Variants in CCDC7 observed in about 807,000 individuals in gnomAD.
CCDC7 encodes the protein coiled-coil domain-containing protein 7.
Under a neutral mutation model 196.9 loss-of-function variants are expected in CCDC7, and 183 were observed. That is an observed-to-expected ratio of 0.93 (90% CI 0.82 to 1.05). The LOEUF is 1.05. CCDC7 is among the 50% of genes least tolerant of loss of function. The pLI is 0.00. For synonymous variants in CCDC7, 525 were observed against 484.6 expected (o/e 1.08, Z -1.10); for missense variants, 1,540 against 1,482.2 (o/e 1.04, Z -0.64).
At chr10:32,814,577 G>A in intron 31 of CCDC7, 124 bp downstream of exon 32, 3 of 635,168 alleles carry the variant, frequency 4.7e-6, no homozygotes, top group Non-Finnish European at 8.2e-6. Context: ...AAGTCTTTAT[G>A]AATTCCCCTC....
chr10:32,622,477 G>C (rs1196232118), intron 18 of CCDC7, among the ~76,000 whole-genome samples: 1 of 151,922 alleles, frequency 6.6e-6, no homozygotes, highest in Non-Finnish European at 1.5e-5. Context: ...AATAACTGCA[G>C]TGATAGTAAA....
intron 32 of CCDC7, among the ~76,000 whole-genome samples, chr10:32,829,269 A>G (rs1275653012): frequency 2.0e-5 from 3 of 152,190 alleles, no homozygotes; most frequent in Non-Finnish European, 4.4e-5. Flanking sequence ...CACCGGGAAA[A>G]AATTTCATAG....
chr10:32,526,528 C>T (rs1360671618), intron 11 of CCDC7, among the ~76,000 whole-genome samples: 1 of 152,138 alleles, frequency 6.6e-6, no homozygotes, highest in Non-Finnish European at 1.5e-5. Flanking sequence ...CCTGAGTCAC[C>T]CTTGAAGCCC....
At chr10:32,856,682 G>A (rs1326087557) in intron 41 of CCDC7, among the ~76,000 whole-genome samples, 1 of 152,116 alleles carries the variant, frequency 6.6e-6, no homozygotes, top group East Asian at 1.9e-4. Flanking sequence ...AGAGTTCTTG[G>A]TGCATGAATT....
intron 20 of CCDC7, among the ~76,000 whole-genome samples, chr10:32,658,707 G>A (rs1212080035): frequency 6.6e-6 from 1 of 152,146 alleles, no homozygotes; most frequent in East Asian, 1.9e-4. Flanking sequence ...AGTTGCAACG[G>A]CATCGATGAA....
At chr10:32,865,073 A>C (rs2094153568) in intron 41 of CCDC7, among the ~76,000 whole-genome samples, 1 of 151,938 alleles carries the variant, frequency 6.6e-6, no homozygotes, top group South Asian at 2.1e-4. Flanking sequence ...TAAATTAGTA[A>C]CCATTAAAGT....
intron 13 of CCDC7, among the ~76,000 whole-genome samples, chr10:32,564,800 A>AT (rs1052641856): frequency 1.4e-5 from 2 of 145,614 alleles, no homozygotes; most frequent in African/African-American, 2.5e-5. Context: ...CTTAAAGTAT[A>AT]AAAAAAAAAA....
intron 16 of CCDC7, among the ~76,000 whole-genome samples, chr10:32,573,413 C>T (rs781305576): frequency 3.2e-4 from 49 of 152,136 alleles, no homozygotes; most frequent in Admixed American, 2.2e-3. Flanking sequence ...AATAGAAACA[C>T]TGGCTTACAA....
At chr10:32,500,080 C>A (rs1435649667) in intron 9 of CCDC7, among the ~76,000 whole-genome samples, 3 of 152,242 alleles carry the variant, frequency 2.0e-5, no homozygotes, top group Non-Finnish European at 4.4e-5. Flanking sequence ...ACAAAACCGC[C>A]ACTGTCATCA....
Position 32,480,382 on chromosome 10 carries a change from A to T in CCDC7, c.796+6359A>T, listed in dbSNP as rs1417305941. On this transcript the variant is annotated intron_variant, in intron 8 of 41. Transcript: ENST00000639629. ...CTGTTGCCCAGGCTGGAGTAGAGTG[A>T]TGTGATCATAGCTCACTCCAACCTC... Among the ~76,000 whole-genome samples, 5 of 151,886 alleles carry T rather than the reference A, an allele frequency of 3.3e-5. No individual in the cohort carries two copies. The South Asian group carries it at 1.0e-3, about 32-fold the overall frequency.
intron 11 of CCDC7, among the ~76,000 whole-genome samples, chr10:32,519,681 A>T (rs919493465): frequency 4.6e-5 from 7 of 152,100 alleles, no homozygotes; most frequent in African/African-American, 1.7e-4. Context: ...CATATCATGG[A>T]AAATTTGGTA....
chr10:32,774,213 A>T (rs73255962), intron 28 of CCDC7, among the ~76,000 whole-genome samples: 7,831 of 151,954 alleles, frequency 0.052, 669 homozygotes, highest in African/African-American at 0.18. Flanking sequence ...ACTTTACTCA[A>T]TGTGGTATCT....
chr10:32,711,526 A>G, intron 24 of CCDC7, 94 bp from the exon 26 acceptor site: 1 of 712,338 alleles, frequency 1.4e-6, no homozygotes, highest in Non-Finnish European at 2.3e-6. Context: ...AAGATGAAAG[A>G]AAATGTTGCT....
At chr10:32,565,382 T>C (rs572675046) in intron 13 of CCDC7, among the ~76,000 whole-genome samples, 176 bp from the exon 15 acceptor site, 1 of 152,336 alleles carries the variant, frequency 6.6e-6, no homozygotes, top group Non-Finnish European at 1.5e-5. Context: ...GAAAAATCAA[T>C]AGGAAGCTTT....
chr10:32,455,210 G>GT (rs55778385), intron 2 of CCDC7, among the ~76,000 whole-genome samples: 12,496 of 151,574 alleles, frequency 0.082, 563 homozygotes, highest in East Asian at 0.16. Context: ...GGATGATTTA[G>GT]TTTTTTTTCC....
At chr10:32,562,847 G>T (rs1379848913) in intron 13 of CCDC7, among the ~76,000 whole-genome samples, 2 of 152,146 alleles carry the variant, frequency 1.3e-5, no homozygotes, top group African/African-American at 4.8e-5. Flanking sequence ...TAGGAAAAGA[G>T]GAAGTCAAAT....
chr10:32,613,753 T>C (rs887600389), intron 18 of CCDC7, among the ~76,000 whole-genome samples: 1 of 152,092 alleles, frequency 6.6e-6, no homozygotes, highest in African/African-American at 2.4e-5. Flanking sequence ...TGAGTTCTAA[T>C]TTGATTGCAT....
chr10:32,573,075 G>A (rs907185893), intron 16 of CCDC7, among the ~76,000 whole-genome samples: 6 of 151,688 alleles, frequency 4.0e-5, no homozygotes, highest in African/African-American at 1.5e-4. Flanking sequence ...ACGGGGTTTC[G>A]CCATGTTGGC....
At chr10:32,479,397 C>A (rs1162673980) in intron 8 of CCDC7, among the ~76,000 whole-genome samples, 1 of 151,996 alleles carries the variant, frequency 6.6e-6, no homozygotes, top group African/African-American at 2.4e-5. Flanking sequence ...CCTTCTGTAT[C>A]TAATTTATTA....
Sources: gnomAD v4.1 joint callset for allele counts (sites outside exome capture counted in the v4.1 genomes callset) on GRCh38, gnomAD v4.1.1 for gene constraint, MANE v1.5 for transcripts, NCBI Gene and HGNC (gene_info 2026-07-23, HGNC 2026-07-21) for gene names.